EFL1: variants seen among roughly 807,000 people sequenced by gnomAD.
EFL1 encodes elongation factor-like GTPase 1.
A neutral mutation model predicts 126.7 loss-of-function variants in EFL1; 76 were observed. The ratio of observed to expected loss-of-function variants is 0.60; its 90% CI spans 0.50 to 0.73. The LOEUF (loss-of-function observed/expected upper bound fraction) is 0.73. Among genes scored for constraint, EFL1 ranks in the 30% least tolerant of loss-of-function variants. The pLI is 0.00. For missense variants in EFL1, 1,128 were observed against 1,343.2 expected (o/e 0.84, Z 2.50); for synonymous variants, 410 against 448.4 (o/e 0.91, Z 1.08).
At chr15:82,260,028 T>A (rs2075099660) in intron 2 of EFL1, among the ~76,000 whole-genome samples, 1 of 152,152 alleles carries the variant, frequency 6.6e-6, no homozygotes, top group Admixed American at 6.5e-5. Flanking sequence ...AGAAAATAAT[T>A]ATCAAGCAAG....
intron 16 of EFL1, among the ~76,000 whole-genome samples, chr15:82,160,621 A>G (rs1262399378): frequency 6.6e-6 from 1 of 152,206 alleles, no homozygotes; most frequent in East Asian, 1.9e-4. Context: ...AAAAATTCAT[A>G]TATCTATATA....
intron 18 of EFL1, 122 bp downstream of exon 18, chr15:82,151,343 G>A: frequency 1.1e-6 from 1 of 918,952 alleles, no homozygotes; most frequent in Admixed American, 2.3e-5. Context: ...AGCCGAGATT[G>A]TGCCACTGCA....
intron 18 of EFL1, among the ~76,000 whole-genome samples, chr15:82,150,042 T>C (rs1264493542): frequency 2.0e-5 from 3 of 152,180 alleles, no homozygotes; most frequent in Non-Finnish European, 2.9e-5. Flanking sequence ...AGATTGGTGT[T>C]TCCCAAACAA....
chr15:82,231,884 C>G (rs549552905), intron 7 of EFL1, among the ~76,000 whole-genome samples: 1 of 152,184 alleles, frequency 6.6e-6, no homozygotes, highest in Non-Finnish European at 1.5e-5. Context: ...AGAAAGCAGG[C>G]TCTGCCTTGC....
chr15:82,204,464 C>T (rs1181581396), intron 15 of EFL1, among the ~76,000 whole-genome samples: 3 of 152,184 alleles, frequency 2.0e-5, no homozygotes, highest in African/African-American at 7.2e-5. Flanking sequence ...AATTTATGGG[C>T]GTAAGAGAGT....
intron 15 of EFL1, among the ~76,000 whole-genome samples, chr15:82,183,043 G>C (rs2867579): frequency 0.67 from 101,233 of 151,872 alleles, 35,532 homozygotes; most frequent in African/African-American, 0.89. Context: ...GGTGAAAAAG[G>C]CCAGCAAGGA....
chr15:82,235,575 T>C (rs2074864560), intron 7 of EFL1, among the ~76,000 whole-genome samples: 1 of 152,132 alleles, frequency 6.6e-6, no homozygotes, highest in Admixed American at 6.5e-5. Flanking sequence ...TATACCATAT[T>C]AACAAGCTAA....
intron 15 of EFL1, among the ~76,000 whole-genome samples, chr15:82,196,056 C>G (rs927321877): frequency 6.6e-6 from 1 of 152,106 alleles, no homozygotes; most frequent in African/African-American, 2.4e-5. Flanking sequence ...GAAGAGACAG[C>G]GTGTACCGAG....
intron 18 of EFL1, 107 bp from the exon 19 acceptor site, chr15:82,138,949 T>A: frequency 9.4e-7 from 1 of 1,062,096 alleles, no homozygotes; most frequent in Non-Finnish European, 1.3e-6. Context: ...TGATTAAATT[T>A]GTTCTCAATA....
intron 15 of EFL1, among the ~76,000 whole-genome samples, chr15:82,204,803 C>T (rs979718783): frequency 1.3e-5 from 2 of 152,226 alleles, no homozygotes; most frequent in African/African-American, 4.8e-5. Context: ...GCTCTGGCCT[C>T]TCTGGCCTGC....
At chr15:82,177,015 C>A (rs916934555) in intron 15 of EFL1, among the ~76,000 whole-genome samples, 1 of 152,074 alleles carries the variant, frequency 6.6e-6, no homozygotes, top group Non-Finnish European at 1.5e-5. Flanking sequence ...TGCAAGAGCA[C>A]ATTCTATATA....
chr15:82,202,016 T>G (rs973923641), intron 15 of EFL1, among the ~76,000 whole-genome samples: 2 of 151,232 alleles, frequency 1.3e-5, no homozygotes, highest in African/African-American at 4.9e-5. Flanking sequence ...AATTCAGGAG[T>G]TTTAAGGATT....
intron 15 of EFL1, among the ~76,000 whole-genome samples, chr15:82,188,788 T>C (rs1224149324): frequency 6.6e-6 from 1 of 152,198 alleles, no homozygotes; most frequent in African/African-American, 2.4e-5. Flanking sequence ...TTCTTTCCTC[T>C]ATGTTGTTTC....
chr15:82,188,653 A>C (rs900344127), intron 15 of EFL1, among the ~76,000 whole-genome samples: 2 of 152,182 alleles, frequency 1.3e-5, no homozygotes, highest in Admixed American at 1.3e-4. Flanking sequence ...TTCTACATTC[A>C]GATTTTTTAA....
intron 15 of EFL1, among the ~76,000 whole-genome samples, chr15:82,171,899 C>T (rs1053594026): frequency 5.3e-5 from 8 of 150,926 alleles, no homozygotes; most frequent in Non-Finnish European, 8.9e-5. Flanking sequence ...ACACACACAC[C>T]CTGTAAAGAT....
chr15:82,181,191 A>G (rs919261220), intron 15 of EFL1, among the ~76,000 whole-genome samples: 1 of 152,206 alleles, frequency 6.6e-6, no homozygotes, highest in Non-Finnish European at 1.5e-5. Flanking sequence ...TCATTTATAT[A>G]TGGTACCTTC....
At chr15:82,199,317 A>AAG (rs889535547) in intron 15 of EFL1, among the ~76,000 whole-genome samples, 1 of 150,518 alleles carries the variant, frequency 6.6e-6, no homozygotes, top group Non-Finnish European at 1.5e-5. Flanking sequence ...GAAGTTGAGA[A>AAG]AGAGAGAGAG....
chr15:82,203,093 G>C (rs1162711775), intron 15 of EFL1, among the ~76,000 whole-genome samples: 3 of 152,060 alleles, frequency 2.0e-5, no homozygotes, highest in African/African-American at 7.3e-5. Context: ...TTACAGGCGT[G>C]ACCCACCACG....
intron 7 of EFL1, among the ~76,000 whole-genome samples, chr15:82,232,766 G>C (rs1405892556): frequency 6.6e-6 from 1 of 151,904 alleles, no homozygotes; most frequent in African/African-American, 2.4e-5. Context: ...GCAAACTTAT[G>C]GATTTATTTT....
Sources: gnomAD v4.1 joint callset for allele counts (sites outside exome capture counted in the v4.1 genomes callset) on GRCh38, gnomAD v4.1.1 for gene constraint, MANE v1.5 for transcripts, NCBI Gene and HGNC (gene_info 2026-07-23, HGNC 2026-07-21) for gene names.